The following RSF1 variants were observed in gnomAD, a reference collection of about 807,000 sequenced individuals.
The protein encoded by RSF1 is HBV pX-associated protein 8.
A neutral mutation model predicts 145.2 loss-of-function variants in RSF1; 13 were observed. The observed-to-expected ratio is 0.09, with a 90% CI of 0.06 to 0.14. The LOEUF is 0.14. RSF1 is among the 10% of genes least tolerant of loss of function. The probability of loss-of-function intolerance (pLI) is 1.00; values close to 1 mark genes in which losing one functional copy is unlikely to be tolerated. For missense variants in RSF1, 1,517 were observed against 1,718.2 expected (o/e 0.88, Z 2.07); for synonymous variants, 577 against 592.6 (o/e 0.97, Z 0.38).
chr11:77,683,355 C>T (rs1959916511), intron 11 of RSF1, among the ~76,000 whole-genome samples: 1 of 151,716 alleles, frequency 6.6e-6, no homozygotes, highest in Non-Finnish European at 1.5e-5. Flanking sequence ...TATGTTAAAG[C>T]AAAAGAGGAT....
chr11:77,730,898 T>C (rs1468227419), intron 4 of RSF1, among the ~76,000 whole-genome samples: 1 of 152,214 alleles, frequency 6.6e-6, no homozygotes, highest in Admixed American at 6.5e-5. Context: ...CTCTTTCTTT[T>C]GTAAATTGCC....
intron 5 of RSF1, among the ~76,000 whole-genome samples, chr11:77,717,162 A>G (rs1960832883): frequency 8.1e-6 from 1 of 124,048 alleles, no homozygotes; most frequent in Non-Finnish European, 1.6e-5. Context: ...TGGGCAAAAA[A>G]AAAACAAAAA....
chr11:77,714,736 A>G (rs1450778353), intron 5 of RSF1, among the ~76,000 whole-genome samples: 1 of 152,102 alleles, frequency 6.6e-6, no homozygotes, highest in Non-Finnish European at 1.5e-5. Flanking sequence ...CAGCTACTCA[A>G]GAGGCTGGGG....
chr11:77,830,598 ACT>A, the RSF1 span, among the ~76,000 whole-genome samples: 3 of 147,942 alleles, frequency 2.0e-5, no homozygotes, highest in Non-Finnish European at 3.0e-5. Flanking sequence ...TTCCAAATAT[ACT>A]CTTTTGTCTC....
At chr11:77,825,430 C>T (rs539287449), upstream of RSF1, among the ~76,000 whole-genome samples, 39 of 152,150 alleles carry the variant, frequency 2.6e-4, no homozygotes, top group African/African-American at 8.2e-4. Flanking sequence ...AAACAAGCTG[C>T]GCACGGTGGT....
intron 15 of RSF1, among the ~76,000 whole-genome samples, chr11:77,669,676 A>G (rs1297380295): frequency 6.6e-6 from 1 of 152,240 alleles, no homozygotes; most frequent in Non-Finnish European, 1.5e-5. Flanking sequence ...TAATCAGTGC[A>G]GAAAGTTTAA....
chr11:77,792,271 A>T (rs983556857), intron 1 of RSF1, among the ~76,000 whole-genome samples: 1 of 151,852 alleles, frequency 6.6e-6, no homozygotes, highest in African/African-American at 2.4e-5. Flanking sequence ...TGATTCAATT[A>T]CCTCCCACCA....
At position 77,664,748 on chromosome 11, in the gene RSF1, T is replaced by C. The variant is rs1590817087; in HGVS notation, c.*2169A>G. On this transcript the variant is annotated 3_prime_UTR_variant, in exon 16 of 16. Coordinates refer to ENST00000308488, the MANE Select transcript of RSF1 (RefSeq NM_016578.4). ...AAATCTTTATATTGCTTGCCTGTTTTAGATGGTTTAAAAGGTTAATTCTTA... is the reference window on the plus strand; with the variant it reads ...AAATCTTTATATTGCTTGCCTGTTTCAGATGGTTTAAAAGGTTAATTCTTA... 1 of 152,326 alleles carries C rather than the reference T, an allele frequency of 6.6e-6. No individual in the cohort carries two copies. The highest frequency in any genetic ancestry group is 1.9e-4 in the East Asian group (1 of 5,188). 9.4% of individuals were successfully genotyped at this position (152,326 alleles called of 1,614,324 possible). A position where few individuals can be genotyped will look rare whatever the true frequency, so the allele number is the denominator to read the frequency against.
At chr11:77,698,292 G>C (rs1960332559) in intron 7 of RSF1, among the ~76,000 whole-genome samples, 195 bp downstream of exon 7, 1 of 152,194 alleles carries the variant, frequency 6.6e-6, no homozygotes, top group African/African-American at 2.4e-5. Flanking sequence ...AAGCCAAGTA[G>C]AATGAAAGTA....
Position 77,761,768 on chromosome 11 carries a change from C to T in RSF1, c.279+2830G>A, listed in dbSNP as rs1375197169. ...TGTGAAGAATAAGGCCAAGGCCCAT[C>T]CAACAAAGCAAGAGTTAACAGGTCC... On this transcript the variant is annotated intron_variant, in intron 2 of 15. Transcript: ENST00000308488. Among the ~76,000 whole-genome samples the T allele has an allele frequency of 7.3e-5, 11 of 151,186 alleles. No individual in the cohort carries two copies. In the East Asian group the frequency reaches 1.9e-3, roughly 27 times the overall value.
intron 1 of RSF1, 118 bp downstream of exon 1, chr11:77,820,410 C>T: frequency 9.0e-7 from 1 of 1,106,942 alleles, no homozygotes; most frequent in Non-Finnish European, 1.3e-6. Context: ...AGTTGCGTCC[C>T]AGGGGGAAGA....
At chr11:77,800,224 G>C (rs540055741) in intron 1 of RSF1, among the ~76,000 whole-genome samples, 1 of 152,236 alleles carries the variant, frequency 6.6e-6, no homozygotes, top group Admixed American at 6.5e-5. Flanking sequence ...GGGCGTAGTG[G>C]CTCATACCTG....
At chr11:77,757,742 A>G (rs754881341) in intron 2 of RSF1, among the ~76,000 whole-genome samples, 69 of 152,316 alleles carry the variant, frequency 4.5e-4, no homozygotes, top group Non-Finnish European at 7.8e-4. Context: ...AGATAGGAGC[A>G]CAGATTCTAA....
At position 77,788,515 on chromosome 11, in the gene RSF1, G is replaced by A. The variant is rs1164387656; in HGVS notation, c.188-23826C>T. Among the ~76,000 whole-genome samples the A allele has an allele frequency of 9.6e-5, 12 of 124,450 alleles. No homozygotes were observed. The East Asian group carries it at 2.8e-3, about 29-fold the overall frequency. The allele number at this position is 124,450 out of a possible 152,430, so 81.6% of individuals were successfully genotyped here. A position where few individuals can be genotyped will look rare whatever the true frequency, so the allele number is the denominator to read the frequency against. On this transcript the variant is annotated intron_variant, in intron 1 of 15. Coordinates refer to ENST00000308488, the MANE Select transcript of RSF1 (RefSeq NM_016578.4). ...GACAGGTTAAAAAAAAAAAAAAAAA[G>A]ACTAGCGAACTTAAAAATGTAACAA...
intron 12 of RSF1, 160 bp from the exon 13 acceptor site, chr11:77,677,159 G>T (rs187041150): frequency 1.6e-6 from 1 of 621,280 alleles, no homozygotes; most frequent in East Asian, 2.8e-5. Flanking sequence ...AGCTGACAGA[G>T]GTCTCAGAGT....
chr11:77,811,781 G>GT (rs534810872), intron 1 of RSF1, among the ~76,000 whole-genome samples: 71 of 152,348 alleles, frequency 4.7e-4, no homozygotes, highest in Non-Finnish European at 8.7e-4. Flanking sequence ...ATCAAAGAAA[G>GT]TGTCAGAGGC....
the RSF1 span, among the ~76,000 whole-genome samples, chr11:77,846,393 C>A: frequency 6.6e-6 from 1 of 152,192 alleles, no homozygotes; most frequent in Non-Finnish European, 1.5e-5. Flanking sequence ...CCAAGGCAGG[C>A]AGCTCATTTT....
At chr11:77,854,754 T>C in the RSF1 span, among the ~76,000 whole-genome samples, 1 of 152,202 alleles carries the variant, frequency 6.6e-6, no homozygotes, top group Non-Finnish European at 1.5e-5. Flanking sequence ...GTCTGGAGGA[T>C]GGTGGCCCTC....
chr11:77,834,441 GTTTTTTTT>G, the RSF1 span, among the ~76,000 whole-genome samples: 1 of 105,548 alleles, frequency 9.5e-6, no homozygotes, highest in Admixed American at 1.1e-4. Context: ...AGTTGATTTT[GTTTTTTTT>G]TTTTTTTTTT....
Sources: gnomAD v4.1 joint callset for allele counts (sites outside exome capture counted in the v4.1 genomes callset) on GRCh38, gnomAD v4.1.1 for gene constraint, MANE v1.5 for transcripts, NCBI Gene and HGNC (gene_info 2026-07-23, HGNC 2026-07-21) for gene names.